CWH43: variants seen among roughly 807,000 people sequenced by gnomAD.
CWH43 encodes the protein cell wall biogenesis 43 C-terminal homolog, also known as PGAP2-interacting protein.
In CWH43, 91 loss-of-function variants were observed where a neutral mutation model predicts 85.7. The observed-to-expected ratio is 1.06, with a 90% CI of 0.90 to 1.26. The LOEUF is 1.26. CWH43 is among the 50% of genes most tolerant of loss of function. The pLI is 0.00. For synonymous variants in CWH43, 323 were observed against 293.6 expected, an observed-to-expected ratio of 1.10 and a Z score of -1.02; for missense variants, 869 against 839.2, an observed-to-expected ratio of 1.04 and a Z score of -0.44.
chr4:49,024,152 A>G (rs543746566), intron 9 of CWH43, among the ~76,000 whole-genome samples: 6 of 152,254 alleles, frequency 3.9e-5, no homozygotes, highest in South Asian at 4.2e-4. Context: ...TGTCTGATAT[A>G]AAAATAGCAA....
intron 13 of CWH43, among the ~76,000 whole-genome samples, chr4:49,044,552 T>C (rs1182578442): frequency 6.6e-6 from 1 of 152,178 alleles, no homozygotes; most frequent in Non-Finnish European, 1.5e-5. Context: ...CAGACCTCCT[T>C]CCTCTTTGTT....
At chr4:49,028,510 G>A (rs1320751582) in intron 9 of CWH43, 119 bp from the exon 10 acceptor site, 6 of 618,978 alleles carry the variant, frequency 9.7e-6, no homozygotes, top group East Asian at 8.5e-5. Flanking sequence ...GTGGGAAAAT[G>A]TCTAAGGAAA....
chr4:49,044,991 T>A, intron 14 of CWH43, 144 bp downstream of exon 14: 1 of 630,484 alleles, frequency 1.6e-6, no homozygotes, highest in South Asian at 2.0e-5. Flanking sequence ...AACATTGATT[T>A]GACTATACAG....
At chr4:49,046,752 G>C (rs1784636015) in intron 14 of CWH43, among the ~76,000 whole-genome samples, 1 of 152,146 alleles carries the variant, frequency 6.6e-6, no homozygotes, top group Non-Finnish European at 1.5e-5. Flanking sequence ...AGTGTCGCTG[G>C]AGTAGAGTGA....
intron 6 of CWH43, 50 bp from the exon 7 acceptor site, chr4:49,003,685 C>G (rs1469786913): frequency 1.9e-6 from 3 of 1,602,498 alleles, no homozygotes; most frequent in African/African-American, 2.7e-5. Flanking sequence ...ATTGGTCATC[C>G]TCTAAGCTCG....
intron 15 of CWH43, 45 bp downstream of exon 15, chr4:49,050,894 C>T: frequency 7.1e-7 from 1 of 1,415,504 alleles, no homozygotes. Flanking sequence ...CTACTGCATC[C>T]CTCTATGGAA....
chr4:49,061,825 A>G lies in CWH43; in HGVS notation c.2035A>G (p.Lys679Glu). 1 of 1,393,062 alleles carries G rather than the reference A, an allele frequency of 7.2e-7. No homozygotes were observed. Among genetic ancestry groups the G allele is most frequent in the Admixed American group, 2.9e-5 (1 of 33,950 alleles). The allele number at this position is 1,393,062 out of a possible 1,614,324, so 86.3% of individuals were successfully genotyped here. A position where few individuals can be genotyped will look rare whatever the true frequency, so the allele number is the denominator to read the frequency against. ...TTATTTTTTTAGATTTGGATCCTAC[A>G]AAGAAGGACACAATTATGAAAACAA... ...IHFNPRFGSYKEGHNYENNHH... is the reference protein window; with the variant it reads ...IHFNPRFGSYEEGHNYENNHH... The change falls in exon 16 of 16, where the codon AAA becomes GAA. Residue 679 changes from lysine (K) to glutamate (E), a missense_variant. Lys to Glu is a moderately conservative substitution (Grantham distance 56, BLOSUM62 1). This residue lies in a region of CWH43 where 577 missense variants were observed against 513.1 expected (regional missense o/e 1.12). Coordinates refer to ENST00000226432, the MANE Select transcript of CWH43 (RefSeq NM_025087.3).
Position 48,988,507 on chromosome 4 carries a change from T to A in CWH43, c.74T>A (p.Leu25Gln). Residue 25 changes from leucine to glutamine, a missense_variant, in exon 2 of 16, where the codon CTG becomes CAG. By Grantham distance (113) the Leu-to-Gln change is moderately radical. Coordinates refer to ENST00000226432, the MANE Select transcript of CWH43 (RefSeq NM_025087.3). Reference sequence around the variant, plus strand: ...GTTTCTTGGTCTCTCTACCATGACCTGGGACCGATGATCTATTACTTTCCT... The same window carrying A: ...GTTTCTTGGTCTCTCTACCATGACCAGGGACCGATGATCTATTACTTTCCT... Reference protein sequence around the residue: ...GCVSWSLYHDLGPMIYYFPLQ... With the variant: ...GCVSWSLYHDQGPMIYYFPLQ... The A allele has an allele frequency of 1.9e-6, 3 of 1,607,918 alleles. No individual in the cohort carries two copies. The highest frequency in any genetic ancestry group is 8.5e-7 in the Non-Finnish European group (1 of 1,177,996).
At chr4:49,038,257 C>T in intron 13 of CWH43, 77 bp downstream of exon 13, 2 of 1,321,590 alleles carry the variant, frequency 1.5e-6, no homozygotes, top group South Asian at 1.6e-5. Flanking sequence ...AAAAAACCAA[C>T]CTCACCTAAA....
chr4:49,014,479 A>G (rs1336213910), intron 8 of CWH43, among the ~76,000 whole-genome samples: 1 of 150,594 alleles, frequency 6.6e-6, no homozygotes, highest in East Asian at 2.0e-4. Flanking sequence ...AAAAAAAGAG[A>G]GAAGAAAAGA....
intron 13 of CWH43, among the ~76,000 whole-genome samples, chr4:49,043,217 GC>G (rs1368552157): frequency 1.3e-5 from 2 of 152,172 alleles, no homozygotes; most frequent in African/African-American, 2.4e-5. Flanking sequence ...CATCTGCAAA[GC>G]CCTCAGACTT....
In CWH43 at chr4:49,050,687, G is replaced by C; in HGVS notation, c.1866-7G>C. The C allele has an allele frequency of 1.2e-6, 2 of 1,604,386 alleles. No individual in the cohort carries two copies. The highest frequency in any genetic ancestry group is 1.7e-6 in the Non-Finnish European group (2 of 1,176,250). On this transcript the variant is annotated splice_polypyrimidine_tract_variant and splice_region_variant and intron_variant, in intron 14 of 15. Transcript: ENST00000226432. The stretch of plus-strand genomic sequence containing the variant: ...ACTGTTACAAACCATTTCTGTTTCT[G>C]CTACAGGTTGGGTTATGCAAGAATC...
At chr4:49,005,163 T>C (rs1783115542) in intron 7 of CWH43, among the ~76,000 whole-genome samples, 1 of 152,196 alleles carries the variant, frequency 6.6e-6, no homozygotes, top group Non-Finnish European at 1.5e-5. Flanking sequence ...TCATGTACCT[T>C]ATGTTCCAGG....
intron 2 of CWH43, 131 bp from the exon 3 acceptor site, chr4:48,991,323 A>G: frequency 1.2e-6 from 1 of 856,524 alleles, no homozygotes; most frequent in Non-Finnish European, 1.8e-6. Context: ...TTAAATACAT[A>G]TATAAAATTA....
At chr4:49,035,386 CA>C (rs961392302) in intron 12 of CWH43, among the ~76,000 whole-genome samples, 3 of 152,116 alleles carry the variant, frequency 2.0e-5, no homozygotes, top group Admixed American at 6.5e-5. Context: ...AGGCAAACAC[CA>C]TAATGAAAAT....
At position 48,986,313 on chromosome 4, in the gene CWH43, G is replaced by C. The variant is rs1355119798; in HGVS notation, c.-117G>C. ...TCACTTGGCAACGGGACGCGGGAAC[G>C]AGGGGCGCGGACGCAGGCCCGGGAG... On this transcript the variant is annotated 5_prime_UTR_variant, in exon 1 of 16. Coordinates refer to ENST00000226432, the MANE Select transcript of CWH43 (RefSeq NM_025087.3). 3 of 994,362 alleles carry C rather than the reference G, an allele frequency of 3.0e-6. No homozygotes were observed. Among genetic ancestry groups the C allele is most frequent in the African/African-American group, 1.7e-5 (1 of 60,096 alleles). The allele number at this position is 994,362 out of a possible 1,614,324, so 61.6% of individuals were successfully genotyped here.
At chr4:49,038,297 C>A (rs1784323951) in intron 13 of CWH43, 117 bp downstream of exon 13, 1 of 768,436 alleles carries the variant, frequency 1.3e-6, no homozygotes, top group Non-Finnish European at 2.0e-6. Context: ...CTACTGCTGC[C>A]TAGAAAATCA....
chr4:49,007,348 TA>T lies in CWH43; in HGVS notation c.1186+30del, dbSNP rs756630342. 82 of 1,515,676 alleles carry T rather than the reference TA, an allele frequency of 5.4e-5. No individual in the cohort carries two copies. The East Asian group carries it at 8.9e-4, about 17-fold the overall frequency. 93.9% of individuals were successfully genotyped at this position (1,515,676 alleles called of 1,614,324 possible). On this transcript the variant is annotated intron_variant, in intron 8 of 15. Transcript: ENST00000226432. Reference sequence around the variant, plus strand: ...CTTTGTAAGTATAGTTTTACATTCTTAAAAAAAATTAATTATATAAAATTCT... The same window carrying T: ...CTTTGTAAGTATAGTTTTACATTCTTAAAAAAATTAATTATATAAAATTCT...
intron 13 of CWH43, among the ~76,000 whole-genome samples, chr4:49,043,360 T>C (rs1784526676): frequency 6.6e-6 from 1 of 152,142 alleles, no homozygotes; most frequent in African/African-American, 2.4e-5. Context: ...AAAAATGGCA[T>C]CCTAATAGGG....
Sources: allele counts gnomAD v4.1 joint callset (sites outside exome capture counted in the v4.1 genomes callset), GRCh38; gene constraint gnomAD v4.1.1; regional missense constraint gnomAD v4.1.1; transcripts MANE v1.5; gene names NCBI Gene and HGNC (gene_info 2026-07-23, HGNC 2026-07-21).